The following TMEM65 variants were observed in gnomAD, a reference collection of about 807,000 sequenced individuals.
The protein encoded by TMEM65 is transmembrane protein 65.
TMEM65 carries 22 observed loss-of-function variants against 25.4 expected under a neutral mutation model. That is an observed-to-expected ratio of 0.86 (90% CI 0.62 to 1.23). The LOEUF (loss-of-function observed/expected upper bound fraction) is 1.23. Among genes scored for constraint, TMEM65 ranks in the 50% most tolerant of loss-of-function variants. The pLI is 0.00. For missense variants in TMEM65, 262 were observed against 308.2 expected (o/e 0.85, Z 1.12); for synonymous variants, 132 against 126.2 (o/e 1.05, Z -0.31).
At chr8:124,344,976 C>T (rs1161254046) in intron 1 of TMEM65, among the ~76,000 whole-genome samples, 2 of 152,122 alleles carry the variant, frequency 1.3e-5, no homozygotes, top group Non-Finnish European at 2.9e-5. Flanking sequence ...GGTGTCAATG[C>T]CCAAAATTTT....
At position 124,311,564 on chromosome 8, in the gene TMEM65, C is replaced by T. The variant is rs1814160882; in HGVS notation, c.*2396G>A. The T allele has an allele frequency of 6.6e-6, 1 of 152,454 alleles. No individual in the cohort carries two copies. Among genetic ancestry groups the T allele is most frequent in the African/African-American group, 2.4e-5 (1 of 41,384 alleles). 9.4% of individuals were successfully genotyped at this position (152,454 alleles called of 1,614,324 possible). ...CTAAAGTAGCTCATGTTGCATTTAA[C>T]TATGGTTCTTGTGCTCCTAATAGAG... On this transcript the variant is annotated 3_prime_UTR_variant, in exon 7 of 7. Transcript: ENST00000297632.
At position 124,307,895 on chromosome 8, in the gene TMEM65, G is replaced by A. The variant is rs988637316; in HGVS notation, c.*6065C>T. On this transcript the variant is annotated 3_prime_UTR_variant, in exon 7 of 7. Transcript: ENST00000297632. ...TGGAAAAATAATAATATGCCACAAA[G>A]AACATTTATTAGTAAAGAAGAGAAG... 2.0e-5 allele frequency: 3 copies of A among 152,094 alleles called. No individual in the cohort carries two copies. Among genetic ancestry groups the A allele is most frequent in the African/African-American group, 7.2e-5 (3 of 41,414 alleles). The allele number at this position is 152,094 out of a possible 1,614,324, so 9.4% of individuals were successfully genotyped here.
intron 1 of TMEM65, among the ~76,000 whole-genome samples, chr8:124,337,253 T>C (rs184468250): frequency 5.3e-5 from 8 of 151,832 alleles, no homozygotes; most frequent in Admixed American, 3.9e-4. Context: ...TTCCAAAAAA[T>C]AGATGAGGAA....
intron 1 of TMEM65, among the ~76,000 whole-genome samples, chr8:124,343,910 G>A (rs939306580): frequency 2.0e-5 from 3 of 152,136 alleles, no homozygotes; most frequent in Admixed American, 6.5e-5. Context: ...GTTAAATTAC[G>A]CCAGAAATTG....
At chr8:124,347,741 T>C (rs957744008) in intron 1 of TMEM65, among the ~76,000 whole-genome samples, 17 of 152,294 alleles carry the variant, frequency 1.1e-4, no homozygotes, top group African/African-American at 4.1e-4. Flanking sequence ...GTATAACAGC[T>C]GAGGACAGGA....
chr8:124,318,109 G>A (rs917362989), intron 6 of TMEM65, among the ~76,000 whole-genome samples: 12 of 152,080 alleles, frequency 7.9e-5, no homozygotes, highest in African/African-American at 2.9e-4. Flanking sequence ...TAGATGGAGG[G>A]AGGCCTCCAG....
rs578036067 is a variant in TMEM65, at chr8:124,326,755, T to C, written c.417+599A>G. Among the ~76,000 whole-genome samples the C allele has an allele frequency of 2.0e-5, 3 of 152,138 alleles. No individual in the cohort carries two copies. The East Asian group carries it at 5.8e-4, about 29-fold the overall frequency. ...GTATCCATTAGCAGGCCTTATATAGTAGTAAGAAAGGTAAGTCAGCCATCT... is the reference window on the plus strand; with the variant it reads ...GTATCCATTAGCAGGCCTTATATAGCAGTAAGAAAGGTAAGTCAGCCATCT... On this transcript the variant is annotated intron_variant, in intron 3 of 6. Coordinates refer to ENST00000297632, the MANE Select transcript of TMEM65 (RefSeq NM_194291.3).
In TMEM65 at chr8:124,349,343, T is replaced by A. The variant is rs530927571; in HGVS notation, c.305-18551A>T. 2.9e-3 allele frequency among the ~76,000 whole-genome samples: 442 copies of A among 151,674 alleles called. 3 individuals are homozygous for A. The highest frequency in any genetic ancestry group is 9.0e-3 in the African/African-American group (371 of 41,418). On this transcript the variant is annotated intron_variant, in intron 1 of 6. Transcript: ENST00000297632. Reference sequence around the variant, plus strand: ...AATTCCCCTTCAGATACATTTTTTTTAAAAAAAAATTGAAGTTAAAATAAA... The same window carrying A: ...AATTCCCCTTCAGATACATTTTTTTAAAAAAAAAATTGAAGTTAAAATAAA...
intron 1 of TMEM65, among the ~76,000 whole-genome samples, chr8:124,360,402 C>T (rs1459860905): frequency 7.0e-6 from 1 of 143,438 alleles, no homozygotes; most frequent in Non-Finnish European, 1.5e-5. Flanking sequence ...TGCACTCCAG[C>T]CTAGGTGACA....
At chr8:124,325,951 C>T (rs1268245470) in intron 3 of TMEM65, among the ~76,000 whole-genome samples, 2 of 152,046 alleles carry the variant, frequency 1.3e-5, no homozygotes, top group South Asian at 2.1e-4. Flanking sequence ...TTGTAGTACA[C>T]GTGATCTCCA....
At chr8:124,352,809 C>T (rs1814728814) in intron 1 of TMEM65, among the ~76,000 whole-genome samples, 2 of 151,988 alleles carry the variant, frequency 1.3e-5, no homozygotes, top group Admixed American at 1.3e-4. Context: ...TCCACACAGG[C>T]AGGTTGGTCT....
chr8:124,332,517 G>A (rs1408585501), intron 1 of TMEM65, among the ~76,000 whole-genome samples: 1 of 151,970 alleles, frequency 6.6e-6, no homozygotes, highest in African/African-American at 2.4e-5. Flanking sequence ...AAAACGTGTA[G>A]TAATAAAGAA....
At chr8:124,346,818 G>A (rs1814645169) in intron 1 of TMEM65, among the ~76,000 whole-genome samples, 1 of 152,094 alleles carries the variant, frequency 6.6e-6, no homozygotes, top group Non-Finnish European at 1.5e-5. Context: ...TTAAACTAGT[G>A]AGTTTCAGCA....
At position 124,371,984 on chromosome 8, in the gene TMEM65, G is replaced by A. The variant is rs1222624831; in HGVS notation, c.174C>T (p.Pro58=). The A allele has an allele frequency of 6.9e-7, 1 of 1,452,864 alleles. No homozygotes were observed. The highest frequency in any genetic ancestry group is 1.3e-5 in the South Asian group (1 of 74,340). The allele number at this position is 1,452,864 out of a possible 1,614,324, so 90.0% of individuals were successfully genotyped here. The change falls in exon 1 of 7, where the codon CCC becomes CCT. Residue 58 remains proline, a synonymous_variant. Transcript: ENST00000297632. ...PGGPRRLGTH[P]KKEPMEALNT... ...TCAGCGCCTCCATGGGCTCCTTCTT[G>A]GGGTGCGTGCCCAGCCGCCTGGGGC...
Position 124,327,335 on chromosome 8 carries a change from A to T in TMEM65, c.417+19T>A, listed in dbSNP as rs1302294562. ...TAATTTATGAACTCAAAATAGAAGC[A>T]GTGAGAGAAAGAACTTACAGCAACA... On this transcript the variant is annotated intron_variant, in intron 3 of 6. Coordinates refer to ENST00000297632, the MANE Select transcript of TMEM65 (RefSeq NM_194291.3). 1.3e-6 allele frequency: 2 copies of T among 1,549,472 alleles called. No homozygotes were observed. The highest frequency in any genetic ancestry group is 1.8e-6 in the Non-Finnish European group (2 of 1,131,136).
In TMEM65 at chr8:124,312,232, A is replaced by G. The variant is rs774880967; in HGVS notation, c.*1728T>C. The stretch of plus-strand genomic sequence containing the variant: ...TATTATATGGAAGATACAAACCGAA[A>G]TTCTATTTAAGATCTCAAGTTCTAG... On this transcript the variant is annotated 3_prime_UTR_variant, in exon 7 of 7. Transcript: ENST00000297632. 14 of 151,872 alleles carry G rather than the reference A, an allele frequency of 9.2e-5. No homozygotes were observed. The highest frequency in any genetic ancestry group is 1.5e-4 in the Non-Finnish European group (10 of 67,872). The allele number at this position is 151,872 out of a possible 1,614,324, so 9.4% of individuals were successfully genotyped here. A position where few individuals can be genotyped will look rare whatever the true frequency, so the allele number is the denominator to read the frequency against.
Position 124,314,039 on chromosome 8 carries a change from A to G in TMEM65, c.644T>C (p.Ile215Thr), listed in dbSNP as rs1308209569. 1 of 1,613,518 alleles carries G rather than the reference A, an allele frequency of 6.2e-7. No homozygotes were observed. Among genetic ancestry groups the G allele is most frequent in the East Asian group, 2.2e-5 (1 of 44,788 alleles). The part of the protein sequence containing the change: ...THLGKAVGVT[I>T]GCILGMFPLI... ...AGGAAACATTCCTAGAATGCAGCCA[A>G]TAGTCACCCCAACAGCTTTGCCCTA... Residue 215 changes from isoleucine (I) to threonine (T), a missense_variant, in exon 7 of 7, where the codon ATT (isoleucine) becomes ACT (threonine). Coordinates refer to ENST00000297632, the MANE Select transcript of TMEM65 (RefSeq NM_194291.3).
chr8:124,337,040 A>G (rs772082813), intron 1 of TMEM65, among the ~76,000 whole-genome samples: 3 of 151,906 alleles, frequency 2.0e-5, no homozygotes, highest in Non-Finnish European at 4.4e-5. Flanking sequence ...AATTCCTTGA[A>G]AAATATAACC....
rs1244913065 is a variant in TMEM65 at position 124,320,162 on chromosome 8, G to A, written c.545C>T (p.Ser182Phe). Residue 182 changes from serine (S) to phenylalanine (F), a missense_variant, in exon 6 of 7, where the codon TCC becomes TTC. Transcript: ENST00000297632. The stretch of plus-strand genomic sequence containing the variant: ...ATCAGGAATTGACAGGCCTAACCTG[G>A]AAGCCAATGCTTCAACGTAGCCTGC... ...GLAGYVEALASRLGLSIPDLT... is the reference protein window; with the variant it reads ...GLAGYVEALAFRLGLSIPDLT... The A allele has an allele frequency of 1.9e-6, 3 of 1,613,206 alleles. No individual in the cohort carries two copies. In the East Asian group the frequency reaches 6.7e-5, roughly 36 times the overall value.
Sources: gnomAD v4.1 joint callset for allele counts (sites outside exome capture counted in the v4.1 genomes callset) on GRCh38, gnomAD v4.1.1 for gene constraint, MANE v1.5 for transcripts, NCBI Gene and HGNC (gene_info 2026-07-23, HGNC 2026-07-21) for gene names.